Variants in DAB1 observed in about 807,000 individuals in gnomAD.
DAB1 encodes DAB adaptor protein 1.
A neutral mutation model predicts 64.6 loss-of-function variants in DAB1; 15 were observed. The ratio of observed to expected loss-of-function variants is 0.23; its 90% CI spans 0.16 to 0.36. The LOEUF (loss-of-function observed/expected upper bound fraction) is 0.36. Ranked by LOEUF, DAB1 falls within the 10% of genes least tolerant of loss-of-function variation. The pLI, the probability that DAB1 is intolerant of heterozygous loss-of-function variation, is 1.00. For missense variants in DAB1, 596 were observed against 706.7 expected, an observed-to-expected ratio of 0.84 and a Z score of 1.78; for synonymous variants, 235 against 251.9, an observed-to-expected ratio of 0.93 and a Z score of 0.64.
chr1:58,130,492 C>T (rs977424505), intron 5 of DAB1, among the ~76,000 whole-genome samples: 4 of 151,992 alleles, frequency 2.6e-5, no homozygotes, highest in Non-Finnish European at 4.4e-5. Context: ...GAATTTGATC[C>T]TGTCATTATG....
chr1:57,146,814 G>A (rs1179879791), intron 2 of DAB1, among the ~76,000 whole-genome samples: 1 of 152,160 alleles, frequency 6.6e-6, no homozygotes, highest in South Asian at 2.1e-4. Flanking sequence ...AAGTGTGTAA[G>A]AAGGTTCAAG....
At chr1:57,614,639 A>G (rs967864703) in intron 7 of DAB1, among the ~76,000 whole-genome samples, 11 of 152,068 alleles carry the variant, frequency 7.2e-5, no homozygotes, top group African/African-American at 2.7e-4. Flanking sequence ...AGTGGGTGAT[A>G]GGTTTAAGCT....
chr1:58,537,301 A>C (rs981879972), intron 1 of DAB1, among the ~76,000 whole-genome samples: 2 of 152,178 alleles, frequency 1.3e-5, no homozygotes, highest in African/African-American at 4.8e-5. Context: ...CTATACCTGG[A>C]ACCACTACTT....
At chr1:58,521,277 C>T (rs1300958731) in intron 2 of DAB1, among the ~76,000 whole-genome samples, 1 of 150,478 alleles carries the variant, frequency 6.6e-6, no homozygotes, top group Non-Finnish European at 1.5e-5. Context: ...TGCAACATGA[C>T]AAGTAAAGAT....
chr1:58,173,612 T>A (rs1656297771), intron 4 of DAB1, among the ~76,000 whole-genome samples: 1 of 152,178 alleles, frequency 6.6e-6, no homozygotes, highest in South Asian at 2.1e-4. Context: ...CCAAAACCCC[T>A]TTCCAGCCAC....
intron 1 of DAB1, among the ~76,000 whole-genome samples, chr1:57,360,939 A>G (rs1469107624): frequency 6.6e-6 from 1 of 152,096 alleles, no homozygotes; most frequent in African/African-American, 2.4e-5. Flanking sequence ...TATGTCGCCT[A>G]TTATGTAAGG....
intron 8 of DAB1, among the ~76,000 whole-genome samples, chr1:57,063,776 T>C (rs1338833820): frequency 6.6e-6 from 1 of 152,256 alleles, no homozygotes; most frequent in African/African-American, 2.4e-5. Flanking sequence ...CATTTAAATA[T>C]ATACGAACAC....
At chr1:57,554,291 G>A (rs987726437) in intron 7 of DAB1, among the ~76,000 whole-genome samples, 1 of 152,200 alleles carries the variant, frequency 6.6e-6, no homozygotes, top group African/African-American at 2.4e-5. Flanking sequence ...GAATCCCACT[G>A]TTCACTCTGC....
At chr1:57,459,835 A>G (rs189381916) in intron 7 of DAB1, among the ~76,000 whole-genome samples, 1 of 152,348 alleles carries the variant, frequency 6.6e-6, no homozygotes, top group East Asian at 1.9e-4. Context: ...GTTGAGGAGA[A>G]GAAAACTATT....
At chr1:58,179,064 A>G (rs1211764878) in intron 4 of DAB1, among the ~76,000 whole-genome samples, 3 of 151,958 alleles carry the variant, frequency 2.0e-5, no homozygotes, top group Non-Finnish European at 4.4e-5. Flanking sequence ...TTTGTCAAAT[A>G]CTTTTTTGGC....
At chr1:57,220,916 T>C (rs990240182) in intron 2 of DAB1, among the ~76,000 whole-genome samples, 1 of 152,202 alleles carries the variant, frequency 6.6e-6, no homozygotes, top group African/African-American at 2.4e-5. Context: ...CAAAGGATTA[T>C]AAATCATGCT....
At chr1:57,427,221 C>T (rs1357371111), upstream of DAB1, among the ~76,000 whole-genome samples, 1 of 152,174 alleles carries the variant, frequency 6.6e-6, no homozygotes, top group Non-Finnish European at 1.5e-5. Context: ...CATTGATTCT[C>T]TTCCCAGAAT....
chr1:58,497,606 T>C (rs1392582508), intron 3 of DAB1, among the ~76,000 whole-genome samples: 2 of 137,330 alleles, frequency 1.5e-5, no homozygotes, highest in African/African-American at 5.9e-5. Flanking sequence ...GGGGAAGTTC[T>C]GAAAACAGGA....
intron 2 of DAB1, among the ~76,000 whole-genome samples, chr1:57,211,227 G>C (rs1030019394): frequency 5.3e-5 from 8 of 152,280 alleles, no homozygotes; most frequent in Admixed American, 1.3e-4. Flanking sequence ...GTTCGTTAAG[G>C]CTCTTCAGTG....
intron 3 of DAB1, chr1:58,480,908 A>AAAAAGTATCATTT: frequency 1.3e-6 from 1 of 758,422 alleles, no homozygotes; most frequent in East Asian, 2.5e-5. Flanking sequence ...AAAAAGTAAC[A>AAAAAGTATCATTT]TAAAATGATA....
chr1:58,125,115 C>T (rs1301754479), intron 5 of DAB1, among the ~76,000 whole-genome samples: 2 of 152,006 alleles, frequency 1.3e-5, no homozygotes, highest in Admixed American at 6.5e-5. Context: ...TTACTAGGGG[C>T]TTGCATTGCA....
intron 5 of DAB1, among the ~76,000 whole-genome samples, chr1:58,146,735 A>G (rs1206713097): frequency 2.0e-5 from 3 of 151,916 alleles, no homozygotes; most frequent in Non-Finnish European, 4.4e-5. Flanking sequence ...AGAATATTCT[A>G]TTATAAATTC....
intron 5 of DAB1, among the ~76,000 whole-genome samples, chr1:58,132,534 C>T (rs1570398103): frequency 6.6e-6 from 1 of 152,300 alleles, no homozygotes; most frequent in East Asian, 1.9e-4. Flanking sequence ...GGTTGTCTTG[C>T]TCATACAGCC....
intron 4 of DAB1, among the ~76,000 whole-genome samples, chr1:57,125,902 G>A (rs1657090822): frequency 6.6e-6 from 1 of 152,162 alleles, no homozygotes; most frequent in African/African-American, 2.4e-5. Context: ...GCTAGACAAA[G>A]AGGTGAACCA....
Sources: gnomAD v4.1 joint callset for allele counts (sites outside exome capture counted in the v4.1 genomes callset) on GRCh38, gnomAD v4.1.1 for gene constraint, MANE v1.5 for transcripts, NCBI Gene and HGNC (gene_info 2026-07-23, HGNC 2026-07-21) for gene names.